Variants in BORCS5 observed in about 807,000 individuals in gnomAD.
BORCS5 encodes the protein BLOC-1 related complex subunit 5.
Under a neutral mutation model 22.1 loss-of-function variants are expected in BORCS5, and 17 were observed. The ratio of observed to expected loss-of-function variants is 0.77; its 90% CI spans 0.53 to 1.15. BORCS5 has a LOEUF of 1.15. Among genes scored for constraint, BORCS5 ranks in the 50% most tolerant of loss-of-function variants. BORCS5 has a pLI of 0.00. For synonymous variants in BORCS5, 117 were observed against 99.8 expected, an observed-to-expected ratio of 1.17 and a Z score of -1.03; for missense variants, 247 against 253.2, an observed-to-expected ratio of 0.98 and a Z score of 0.17.
At chr12:12,391,265 A>T (rs1482012724) in intron 2 of BORCS5, among the ~76,000 whole-genome samples, 1 of 152,110 alleles carries the variant, frequency 6.6e-6, no homozygotes, top group East Asian at 1.9e-4. Context: ...TACATGCTAG[A>T]TACTTATTGA....
At chr12:12,406,742 C>G (rs898410590) in intron 2 of BORCS5, among the ~76,000 whole-genome samples, 1 of 151,968 alleles carries the variant, frequency 6.6e-6, no homozygotes, top group Non-Finnish European at 1.5e-5. Flanking sequence ...CCTTGCAAAG[C>G]CTACATTTCT....
chr12:12,408,598 C>G (rs1405182630), intron 2 of BORCS5, among the ~76,000 whole-genome samples: 1 of 152,176 alleles, frequency 6.6e-6, no homozygotes, highest in African/African-American at 2.4e-5. Context: ...GTTCTACTTT[C>G]TTTCTCTATG....
intron 2 of BORCS5, among the ~76,000 whole-genome samples, chr12:12,418,606 G>C (rs1942033979): frequency 6.6e-6 from 1 of 152,204 alleles, no homozygotes; most frequent in South Asian, 2.1e-4. Flanking sequence ...AGGATTGTTT[G>C]AGCCCAGGAA....
At chr12:12,431,014 C>A (rs1434495636) in intron 2 of BORCS5, among the ~76,000 whole-genome samples, 1 of 152,192 alleles carries the variant, frequency 6.6e-6, no homozygotes, top group Non-Finnish European at 1.5e-5. Context: ...TTTGCTGTTA[C>A]AGTCACTGCT....
rs572543052 is a variant in BORCS5 at position 12,466,544 on chromosome 12, C to T, written c.*768C>T. 3 of 152,190 alleles carry T rather than the reference C, an allele frequency of 2.0e-5. No homozygotes were observed. Among genetic ancestry groups the T allele is most frequent in the African/African-American group, 4.8e-5 (2 of 41,516 alleles). 9.4% of individuals were successfully genotyped at this position (152,190 alleles called of 1,614,324 possible). A position where few individuals can be genotyped will look rare whatever the true frequency, so the allele number is the denominator to read the frequency against. On this transcript the variant is annotated 3_prime_UTR_variant, in exon 4 of 4. Transcript: ENST00000314565. ...ATTGTGCCAGGGATACAAATATGGC[C>T]GTATAGCCTCAGGCCTTCATTTCTG...
At chr12:12,382,363 A>G (rs987028637) in intron 2 of BORCS5, among the ~76,000 whole-genome samples, 1 of 150,926 alleles carries the variant, frequency 6.6e-6, no homozygotes, top group Admixed American at 6.6e-5. Context: ...GCTCGGTACT[A>G]CAGGGAGGCA....
chr12:12,439,954 T>C (rs2136131229), intron 3 of BORCS5, among the ~76,000 whole-genome samples: 1 of 152,332 alleles, frequency 6.6e-6, no homozygotes, highest in South Asian at 2.1e-4. Flanking sequence ...AACTCTCTGA[T>C]ATTATTCCAG....
chr12:12,419,502 CAT>C (rs1477637997), intron 2 of BORCS5, among the ~76,000 whole-genome samples: 2 of 152,216 alleles, frequency 1.3e-5, no homozygotes, highest in East Asian at 1.9e-4. Context: ...CCATAATAAA[CAT>C]ATGTGTGCAT....
At chr12:12,373,740 T>C (rs1444250117) in intron 2 of BORCS5, among the ~76,000 whole-genome samples, 2 of 152,144 alleles carry the variant, frequency 1.3e-5, no homozygotes, top group Non-Finnish European at 2.9e-5. Flanking sequence ...ATAGAAGACA[T>C]AGTTGCTGCC....
chr12:12,439,568 C>T (rs528624811), intron 3 of BORCS5, among the ~76,000 whole-genome samples: 16 of 108,334 alleles, frequency 1.5e-4, no homozygotes, highest in East Asian at 5.5e-4. Flanking sequence ...GCAGAGGTTG[C>T]GGTGAGCCGA....
intron 2 of BORCS5, among the ~76,000 whole-genome samples, chr12:12,390,312 C>T (rs553057506): frequency 1.2e-4 from 19 of 152,226 alleles, no homozygotes; most frequent in African/African-American, 4.6e-4. Flanking sequence ...CTTAGACCAT[C>T]TCCTTCATTA....
intron 2 of BORCS5, among the ~76,000 whole-genome samples, chr12:12,390,097 CT>C (rs1186214166): frequency 6.6e-6 from 1 of 152,122 alleles, no homozygotes; most frequent in Non-Finnish European, 1.5e-5. Context: ...CTGCTAAAAT[CT>C]TTTCATTCCT....
chr12:12,359,671 T>TA (rs56798094), intron 1 of BORCS5, among the ~76,000 whole-genome samples: 65,654 of 137,984 alleles, frequency 0.48, 17,189 homozygotes, highest in Middle Eastern at 0.66. Context: ...CGCCTTGACT[T>TA]AAAAAAAAAA....
chr12:12,379,394 C>T (rs978408118), intron 2 of BORCS5, among the ~76,000 whole-genome samples: 1 of 151,538 alleles, frequency 6.6e-6, no homozygotes, highest in Non-Finnish European at 1.5e-5. Context: ...GGTTTACAGG[C>T]ATGGGCCACC....
chr12:12,470,843 C>T lies in BORCS5; in HGVS notation c.*5067C>T, dbSNP rs184716859. 7.2e-5 allele frequency among the ~76,000 whole-genome samples: 11 copies of T among 151,926 alleles called. No individual in the cohort carries two copies. The highest frequency in any genetic ancestry group is 2.6e-4 in the Admixed American group (4 of 15,276). ...ATGACCAGCGTTATGCTGGTGTGTG[C>T]GTGTCCATGCCTCCGGGATTTTTCC... On this transcript the variant is annotated 3_prime_UTR_variant, in exon 4 of 4. Transcript: ENST00000314565.
intron 2 of BORCS5, among the ~76,000 whole-genome samples, chr12:12,431,995 T>A (rs1484125133): frequency 6.6e-6 from 1 of 152,156 alleles, no homozygotes; most frequent in Non-Finnish European, 1.5e-5. Context: ...TGCCCAGCCT[T>A]ATTTGCAATT....
chr12:12,376,735 C>T (rs886228721), intron 2 of BORCS5, among the ~76,000 whole-genome samples: 2 of 152,144 alleles, frequency 1.3e-5, no homozygotes, highest in East Asian at 3.8e-4. Flanking sequence ...CATATTTTGC[C>T]ATTTTTAAAA....
intron 2 of BORCS5, among the ~76,000 whole-genome samples, chr12:12,396,184 A>T (rs1941337932): frequency 6.6e-6 from 1 of 151,244 alleles, no homozygotes; most frequent in South Asian, 2.1e-4. Flanking sequence ...GATGGGTTTC[A>T]TCATGTTGGC....
At chr12:12,413,516 G>GT (rs1272885814) in intron 2 of BORCS5, among the ~76,000 whole-genome samples, 9 of 149,824 alleles carry the variant, frequency 6.0e-5, no homozygotes, top group African/African-American at 2.2e-4. Context: ...TGATTTCTCA[G>GT]TTTTTTCCCC....
Sources: gnomAD v4.1 joint callset for allele counts (sites outside exome capture counted in the v4.1 genomes callset) on GRCh38, gnomAD v4.1.1 for gene constraint, MANE v1.5 for transcripts, NCBI Gene and HGNC (gene_info 2026-07-23, HGNC 2026-07-21) for gene names.